The following IMMP2L variants were observed in gnomAD, a reference collection of about 807,000 sequenced individuals.
IMMP2L encodes mitochondrial inner membrane protease subunit 2.
Under a neutral mutation model 19.3 loss-of-function variants are expected in IMMP2L, and 18 were observed. The ratio of observed to expected loss-of-function variants is 0.93; its 90% CI spans 0.64 to 1.38. IMMP2L has a LOEUF of 1.38. IMMP2L is among the 40% of genes most tolerant of loss of function. The pLI is 0.00. For missense variants in IMMP2L, 233 were observed against 218.2 expected (o/e 1.07, Z -0.43); for synonymous variants, 76 against 73.0 (o/e 1.04, Z -0.21).
intron 2 of IMMP2L, among the ~76,000 whole-genome samples, chr7:111,502,705 T>C (rs1283554990): frequency 6.6e-6 from 1 of 151,192 alleles, no homozygotes; most frequent in Admixed American, 6.6e-5. Context: ...CTGAACAACC[T>C]GCTCCTGAAT....
intron 3 of IMMP2L, among the ~76,000 whole-genome samples, chr7:111,333,385 T>A (rs893987762): frequency 6.6e-6 from 1 of 152,072 alleles, no homozygotes; most frequent in South Asian, 2.1e-4. Flanking sequence ...AGCATTTGGG[T>A]TGGGGATTTG....
intron 2 of IMMP2L, among the ~76,000 whole-genome samples, chr7:111,510,364 AT>A (rs753689703): frequency 2.0e-5 from 3 of 152,124 alleles, no homozygotes; most frequent in Non-Finnish European, 4.4e-5. Context: ...CCTCTGCTGT[AT>A]TGTATTATAT....
At chr7:110,940,146 G>A (rs903581828) in intron 4 of IMMP2L, among the ~76,000 whole-genome samples, 2 of 151,632 alleles carry the variant, frequency 1.3e-5, no homozygotes, top group South Asian at 2.1e-4. Flanking sequence ...GTGAAACCCC[G>A]TCCCTACTAA....
intron 3 of IMMP2L, among the ~76,000 whole-genome samples, chr7:111,270,892 C>A (rs978020375): frequency 3.9e-5 from 6 of 152,096 alleles, no homozygotes; most frequent in Non-Finnish European, 8.8e-5. Context: ...CTTACATGAA[C>A]AATTTTTCAA....
intron 3 of IMMP2L, chr7:111,124,861 A>C: frequency 6.2e-7 from 1 of 1,611,390 alleles, no homozygotes; most frequent in South Asian, 1.1e-5. Context: ...ACTGAAAGTA[A>C]AAGCAACTGT....
intron 3 of IMMP2L, among the ~76,000 whole-genome samples, chr7:111,082,981 T>C (rs1796012063): frequency 6.6e-6 from 1 of 152,180 alleles, no homozygotes; most frequent in Non-Finnish European, 1.5e-5. Context: ...ACTACTCTGA[T>C]TTTCCAGTTT....
intron 3 of IMMP2L, among the ~76,000 whole-genome samples, chr7:111,005,139 ATCACTTCAGTGGTTC>A (rs1302695157): frequency 1.3e-5 from 2 of 152,134 alleles, no homozygotes; most frequent in Non-Finnish European, 2.9e-5. Flanking sequence ...TTTGGAGGCC[ATCACTTCAGTGGTTC>A]ACTCTGTTGG....
intron 3 of IMMP2L, among the ~76,000 whole-genome samples, chr7:111,453,534 T>C (rs939874972): frequency 1.2e-4 from 19 of 152,212 alleles, no homozygotes; most frequent in African/African-American, 3.6e-4. Flanking sequence ...ATCGGTATCA[T>C]TGGAGCATTG....
rs77382335 is a variant in IMMP2L at position 111,255,357 on chromosome 7, T to C, written c.239+231881A>G. ...TTTGAAAATTTCACAGTATAAAATA[T>C]GTGAAACAAAAGAATGGTGGGAGAG... On this transcript the variant is annotated intron_variant, in intron 3 of 5. Transcript: ENST00000405709. 3.9e-4 allele frequency among the ~76,000 whole-genome samples: 60 copies of C among 152,122 alleles called. No individual in the cohort carries two copies. In the East Asian group the frequency reaches 0.011, roughly 27 times the overall value.
rs544728095 is a variant in IMMP2L, at chr7:111,249,764, A to T, written c.239+237474T>A. On this transcript the variant is annotated intron_variant, in intron 3 of 5. Transcript: ENST00000405709. ...CTAGGTATTGAAAGAGCATACCTCA[A>T]AATAACCAGAGCCATATATGATAAA... Among the ~76,000 whole-genome samples the T allele has an allele frequency of 7.2e-5, 11 of 152,314 alleles. No homozygotes were observed. In the South Asian group the frequency reaches 2.3e-3, roughly 32 times the overall value.
chr7:110,963,553 GT>G lies in IMMP2L; in HGVS notation c.251del (p.Asn84ThrfsTer10). 2 of 1,591,630 alleles carry G rather than the reference GT, an allele frequency of 1.3e-6. No individual in the cohort carries two copies. The highest frequency in any genetic ancestry group is 8.6e-7 in the Non-Finnish European group (1 of 1,162,060). On this transcript the variant is annotated frameshift_variant, in exon 4 of 6. Transcript: ENST00000405709. LOFTEE classifies it high-confidence loss of function. ...CTCTCTTAATGATCTTCTGTTCTGG[GT>G]TTTTAGGAGACCTAGAACAAGAAGA... ...GDIVSLVSPK[N>X]PEQKIIKRVI...
chr7:111,008,393 T>C (rs1824535023), intron 3 of IMMP2L, among the ~76,000 whole-genome samples: 1 of 152,048 alleles, frequency 6.6e-6, no homozygotes, highest in Non-Finnish European at 1.5e-5. Context: ...CTGCCTAAGA[T>C]TGCTCTTCCC....
chr7:111,089,099 T>G (rs909294123), intron 3 of IMMP2L, among the ~76,000 whole-genome samples: 4 of 152,210 alleles, frequency 2.6e-5, no homozygotes, highest in African/African-American at 4.8e-5. Context: ...AGTGATCATT[T>G]AGTTAAAACA....
chr7:111,030,710 A>G (rs1024055316), intron 3 of IMMP2L, among the ~76,000 whole-genome samples: 1 of 152,120 alleles, frequency 6.6e-6, no homozygotes, highest in East Asian at 1.9e-4. Context: ...GATTAACTAC[A>G]TAGTTACCCA....
chr7:111,411,147 G>C (rs1013532266), intron 3 of IMMP2L, among the ~76,000 whole-genome samples: 4 of 144,016 alleles, frequency 2.8e-5, no homozygotes, highest in Non-Finnish European at 6.1e-5. Context: ...CAGAAAAAAA[G>C]GCACATAATA....
chr7:111,067,712 A>G (rs1449828279), intron 3 of IMMP2L, among the ~76,000 whole-genome samples: 1 of 152,212 alleles, frequency 6.6e-6, no homozygotes, highest in East Asian at 1.9e-4. Flanking sequence ...GGAAAAAGAA[A>G]AAAAAGACTT....
At chr7:110,926,536 C>A (rs1814874606) in intron 4 of IMMP2L, among the ~76,000 whole-genome samples, 1 of 152,000 alleles carries the variant, frequency 6.6e-6, no homozygotes, top group Non-Finnish European at 1.5e-5. Context: ...ATGCCTAAGT[C>A]TTTTTAAATT....
intron 3 of IMMP2L, among the ~76,000 whole-genome samples, chr7:111,360,883 AAT>A (rs1584794833): frequency 6.6e-6 from 1 of 152,208 alleles, no homozygotes; most frequent in South Asian, 2.1e-4. Context: ...TTTGTTTTGA[AAT>A]ATATAGTTAT....
At chr7:110,826,806 T>C (rs1008693153) in intron 5 of IMMP2L, among the ~76,000 whole-genome samples, 1 of 152,004 alleles carries the variant, frequency 6.6e-6, no homozygotes, top group African/African-American at 2.4e-5. Flanking sequence ...CTGCACATTG[T>C]GCACATGTAC....
Sources: allele counts gnomAD v4.1 joint callset (sites outside exome capture counted in the v4.1 genomes callset), GRCh38; gene constraint gnomAD v4.1.1; transcripts MANE v1.5; gene names NCBI Gene and HGNC (gene_info 2026-07-23, HGNC 2026-07-21).